Variants in LRRFIP2 observed in about 807,000 individuals in gnomAD.
LRRFIP2 encodes leucine-rich repeat flightless-interacting protein 2.
LRRFIP2 carries 109 observed loss-of-function variants against 125.9 expected under a neutral mutation model. The ratio of observed to expected loss-of-function variants is 0.87; its 90% confidence interval spans 0.74 to 1.01. The LOEUF (loss-of-function observed/expected upper bound fraction) is 1.01, where lower values mean the gene tolerates loss of function less well. LRRFIP2 is among the 50% of genes least tolerant of loss of function. The pLI, the probability that LRRFIP2 is intolerant of heterozygous loss-of-function variation, is 0.00. For synonymous variants in LRRFIP2, 291 were observed against 293.1 expected, an observed-to-expected ratio of 0.99 and a Z score of 0.07; for missense variants, 850 against 862.3, an observed-to-expected ratio of 0.99 and a Z score of 0.18.
At chr3:37,068,420 A>ATTT (rs1250710683) in intron 21 of LRRFIP2, 1 of 152,180 alleles carries the variant, frequency 6.6e-6, no homozygotes. Flanking sequence ...ACTGGGTTTT[A>ATTT]TTTTTACCTT....
chr3:37,166,973 C>T (rs924500262), intron 1 of LRRFIP2, among the ~76,000 whole-genome samples: 2 of 151,628 alleles, frequency 1.3e-5, no homozygotes, highest in Non-Finnish European at 2.9e-5. Flanking sequence ...AGAGATAGCG[C>T]CATTGCACTC....
At chr3:37,107,012 C>A (rs757991528) in intron 13 of LRRFIP2, among the ~76,000 whole-genome samples, 3 of 150,982 alleles carry the variant, frequency 2.0e-5, no homozygotes, top group Non-Finnish European at 4.4e-5. Flanking sequence ...TCAAGCAATT[C>A]TCCTGCCTCA....
intron 13 of LRRFIP2, among the ~76,000 whole-genome samples, chr3:37,106,755 A>C (rs1034128439): frequency 6.6e-6 from 1 of 152,176 alleles, no homozygotes; most frequent in Non-Finnish European, 1.5e-5. Context: ...TGGGTGGACC[A>C]CCTGAGGTCA....
At chr3:37,156,673 C>CAAAAAAAAAAAAAAA (rs59647339) in intron 1 of LRRFIP2, among the ~76,000 whole-genome samples, 1 of 30,566 alleles carries the variant, frequency 3.3e-5, no homozygotes, top group Non-Finnish European at 4.9e-5. Flanking sequence ...GACTCAGTAT[C>CAAAAAAAAAAAAAAA]AAAAAAAAAA....
chr3:37,093,511 C>T (rs562066179), intron 17 of LRRFIP2, among the ~76,000 whole-genome samples: 6 of 152,254 alleles, frequency 3.9e-5, no homozygotes, highest in African/African-American at 1.4e-4. Context: ...CAACCAATTC[C>T]CAGTCTCTCG....
At chr3:37,143,053 C>T (rs1400612076) in intron 2 of LRRFIP2, among the ~76,000 whole-genome samples, 3 of 152,078 alleles carry the variant, frequency 2.0e-5, no homozygotes, top group Non-Finnish European at 4.4e-5. Flanking sequence ...TTTCCACTCT[C>T]GCCATATGAT....
chr3:37,119,799 A>T (rs1289078585), intron 6 of LRRFIP2, among the ~76,000 whole-genome samples: 1 of 152,086 alleles, frequency 6.6e-6, no homozygotes, highest in East Asian at 1.9e-4. Flanking sequence ...AGCTGGGATT[A>T]CAGGCGTGAG....
At chr3:37,123,296 C>T (rs2095140283) in intron 4 of LRRFIP2, among the ~76,000 whole-genome samples, 1 of 152,160 alleles carries the variant, frequency 6.6e-6, no homozygotes, top group East Asian at 1.9e-4. Context: ...TCGAGCAATT[C>T]TCGTGCTTTG....
chr3:37,159,828 GAAAA>G (rs111830518), intron 1 of LRRFIP2, among the ~76,000 whole-genome samples: 1 of 104,352 alleles, frequency 9.6e-6, no homozygotes, highest in Non-Finnish European at 2.1e-5. Flanking sequence ...ATTTCTGGAA[GAAAA>G]AAAAAAAAAA....
intron 2 of LRRFIP2, among the ~76,000 whole-genome samples, chr3:37,133,651 A>G (rs976630000): frequency 6.6e-5 from 10 of 152,030 alleles, no homozygotes; most frequent in African/African-American, 2.4e-4. Context: ...GTAGGGGGAA[A>G]TGGGACTCAC....
At chr3:37,174,696 C>T (rs562454743), upstream of LRRFIP2, 10 of 152,288 alleles carry the variant, frequency 6.6e-5, no homozygotes, top group South Asian at 1.4e-3. Flanking sequence ...TCTGCAAATA[C>T]TTCAACTTTT....
chr3:37,113,126 C>A (rs914634526), intron 7 of LRRFIP2, 146 bp from the exon 8 acceptor site: 2 of 482,930 alleles, frequency 4.1e-6, no homozygotes, highest in African/African-American at 3.9e-5. Context: ...GGTTAGTAAA[C>A]AATTCACTGC....
intron 2 of LRRFIP2, among the ~76,000 whole-genome samples, chr3:37,137,411 C>T (rs2095585118): frequency 6.6e-6 from 1 of 152,202 alleles, no homozygotes; most frequent in Non-Finnish European, 1.5e-5. Context: ...CTCTTAACCA[C>T]ATTGCCACCA....
intron 14 of LRRFIP2, among the ~76,000 whole-genome samples, chr3:37,104,016 T>C (rs2094197826): frequency 6.6e-6 from 1 of 152,114 alleles, no homozygotes; most frequent in African/African-American, 2.4e-5. Context: ...TTAAAATACT[T>C]CTCAAGGAAG....
chr3:37,159,976 T>C (rs1186387929), intron 1 of LRRFIP2, among the ~76,000 whole-genome samples: 2 of 97,724 alleles, frequency 2.0e-5, no homozygotes, highest in Non-Finnish European at 3.7e-5. Flanking sequence ...GCCCAATGAG[T>C]AAGCCCTATG....
At chr3:37,145,345 T>C (rs147298690) in intron 2 of LRRFIP2, among the ~76,000 whole-genome samples, 53 of 152,248 alleles carry the variant, frequency 3.5e-4, no homozygotes, top group African/African-American at 1.2e-3. Flanking sequence ...ATAAACAGTA[T>C]ACAAAAAGTA....
chr3:37,096,565 T>C (rs955123020), intron 16 of LRRFIP2, 51 bp downstream of exon 16: 2 of 1,096,714 alleles, frequency 1.8e-6, no homozygotes, highest in Non-Finnish European at 1.4e-6. Context: ...AAGTTACAGA[T>C]AGCAAGTTTA....
intron 1 of LRRFIP2, among the ~76,000 whole-genome samples, chr3:37,151,002 G>C (rs1203666538): frequency 6.6e-6 from 1 of 152,110 alleles, no homozygotes; most frequent in African/African-American, 2.4e-5. Flanking sequence ...ACTGATGATG[G>C]TTTATTACTT....
intron 1 of LRRFIP2, among the ~76,000 whole-genome samples, chr3:37,151,266 G>A (rs1008195934): frequency 3.3e-5 from 5 of 152,092 alleles, no homozygotes; most frequent in African/African-American, 1.2e-4. Context: ...GGCTGAGGGA[G>A]GAGAATCGCT....
Sources: allele counts gnomAD v4.1 joint callset (sites outside exome capture counted in the v4.1 genomes callset), GRCh38; gene constraint gnomAD v4.1.1; transcripts MANE v1.5; gene names NCBI Gene and HGNC (gene_info 2026-07-23, HGNC 2026-07-21).